Variants in KCNH5 observed in about 807,000 individuals in gnomAD.
KCNH5 encodes the protein potassium voltage-gated channel subfamily H member 5.
Under a neutral mutation model 96.1 loss-of-function variants are expected in KCNH5, and 46 were observed. The ratio of observed to expected loss-of-function variants is 0.48; its 90% CI spans 0.38 to 0.61. The LOEUF (loss-of-function observed/expected upper bound fraction) is 0.61, where lower values mean the gene tolerates loss of function less well. Ranked by LOEUF, KCNH5 falls within the 20% of genes least tolerant of loss-of-function variation. KCNH5 has a pLI of 0.00. For missense variants in KCNH5, 907 were observed against 1,225.8 expected (o/e 0.74, Z 3.88); for synonymous variants, 439 against 449.8 (o/e 0.98, Z 0.30).
intron 7 of KCNH5, among the ~76,000 whole-genome samples, chr14:62,888,652 G>A (rs1028352772): frequency 2.0e-5 from 3 of 152,004 alleles, no homozygotes; most frequent in Non-Finnish European, 4.4e-5. Context: ...TAATTCTCAG[G>A]AGCAGGAATA....
At chr14:62,828,252 G>C (rs538477319) in intron 8 of KCNH5, among the ~76,000 whole-genome samples, 30 of 152,040 alleles carry the variant, frequency 2.0e-4, no homozygotes, top group East Asian at 5.8e-4. Flanking sequence ...ATAGCTCTTT[G>C]TGGGAGATAG....
intron 7 of KCNH5, among the ~76,000 whole-genome samples, chr14:62,924,811 TG>T (rs1200669738): frequency 6.6e-6 from 1 of 151,666 alleles, no homozygotes. Context: ...TACTTAGAAG[TG>T]GGGGAAATGG....
rs111548561 is a variant in KCNH5 at position 62,819,189 on chromosome 14, G to A, written c.1570-16608C>T. 2.2e-3 allele frequency among the ~76,000 whole-genome samples: 328 copies of A among 152,162 alleles called. 1 individual carries two copies. Among genetic ancestry groups the A allele is most frequent in the African/African-American group, 7.3e-3 (302 of 41,516 alleles). ...CACCTTGTTTAGCCAGGATGGTCTC[G>A]ATCTCCTGATCTCGTGATCCGCCCA... On this transcript the variant is annotated intron_variant, in intron 8 of 10. Transcript: ENST00000322893.
At chr14:62,841,478 T>C (rs1162452119) in intron 8 of KCNH5, among the ~76,000 whole-genome samples, 1 of 152,190 alleles carries the variant, frequency 6.6e-6, no homozygotes, top group Non-Finnish European at 1.5e-5. Context: ...GAAGTATTCA[T>C]GGTTTAATTT....
chr14:63,000,642 G>T (rs10142476), intron 4 of KCNH5, among the ~76,000 whole-genome samples: 41,285 of 152,076 alleles, frequency 0.27, 6,523 homozygotes, highest in East Asian at 0.58. Flanking sequence ...TATTACAATT[G>T]TAATTCAACA....
intron 6 of KCNH5, among the ~76,000 whole-genome samples, chr14:62,969,495 C>T (rs1374698601): frequency 1.3e-5 from 2 of 151,862 alleles, no homozygotes; most frequent in East Asian, 1.9e-4. Flanking sequence ...ATCAGAAAAC[C>T]AAACACCACA....
chr14:62,925,970 T>G (rs1250814872), intron 7 of KCNH5, among the ~76,000 whole-genome samples: 1 of 152,150 alleles, frequency 6.6e-6, no homozygotes, highest in Non-Finnish European at 1.5e-5. Context: ...CAAGGTATTC[T>G]TCTCACCATT....
chr14:62,725,396 G>A (rs1884901877), intron 10 of KCNH5, among the ~76,000 whole-genome samples: 1 of 152,174 alleles, frequency 6.6e-6, no homozygotes, highest in South Asian at 2.1e-4. Context: ...TCTTTGGGCA[G>A]TGTGAGAAGA....
intron 9 of KCNH5, among the ~76,000 whole-genome samples, chr14:62,790,367 C>A (rs949124608): frequency 6.6e-6 from 1 of 151,550 alleles, no homozygotes; most frequent in Non-Finnish European, 1.5e-5. Context: ...CTCAGTATTG[C>A]TTTTTGTCTA....
At chr14:62,735,312 G>A (rs1239347243) in intron 10 of KCNH5, among the ~76,000 whole-genome samples, 1 of 152,154 alleles carries the variant, frequency 6.6e-6, no homozygotes, top group African/African-American at 2.4e-5. Flanking sequence ...GCTCAAGAGT[G>A]ATAGTAGCCC....
intron 6 of KCNH5, among the ~76,000 whole-genome samples, chr14:62,976,711 G>A (rs942854288): frequency 2.0e-5 from 3 of 152,138 alleles, no homozygotes; most frequent in African/African-American, 4.8e-5. Context: ...AACAGAAATC[G>A]TAATGACTTC....
At chr14:62,843,568 C>T (rs1313698879) in intron 8 of KCNH5, among the ~76,000 whole-genome samples, 8 of 151,768 alleles carry the variant, frequency 5.3e-5, no homozygotes, top group Non-Finnish European at 1.0e-4. Flanking sequence ...TGCACCACCA[C>T]GCCCAGCTAA....
Position 62,700,728 on chromosome 14 carries a change from A to G in KCNH5, c.*6780T>C, listed in dbSNP as rs1404994032. The G allele has an allele frequency of 6.6e-6, 1 of 152,162 alleles. No homozygotes were observed. The highest frequency in any genetic ancestry group is 1.5e-5 in the Non-Finnish European group (1 of 68,024). The allele number at this position is 152,162 out of a possible 1,614,324, so 9.4% of individuals were successfully genotyped here. A position where few individuals can be genotyped will look rare whatever the true frequency, so the allele number is the denominator to read the frequency against. On this transcript the variant is annotated 3_prime_UTR_variant, in exon 11 of 11. Coordinates refer to ENST00000322893, the MANE Select transcript of KCNH5 (RefSeq NM_139318.5). The stretch of plus-strand genomic sequence containing the variant: ...TGTGATTTTGCATAGTTTACTAGCT[A>G]GGTATTCTTCCTGTTTGCAGTCTTG...
intron 7 of KCNH5, among the ~76,000 whole-genome samples, chr14:62,900,956 T>C (rs1353315665): frequency 1.3e-5 from 2 of 152,118 alleles, no homozygotes; most frequent in East Asian, 1.9e-4. Flanking sequence ...CTTTACAGGA[T>C]AGTATACATG....
At chr14:62,856,313 T>C (rs1359701127) in intron 7 of KCNH5, among the ~76,000 whole-genome samples, 2 of 152,214 alleles carry the variant, frequency 1.3e-5, no homozygotes, top group South Asian at 4.1e-4. Context: ...TTAGATATTA[T>C]ATTTTGTGCC....
At chr14:62,844,090 C>CTCCT (rs1332298009) in intron 8 of KCNH5, among the ~76,000 whole-genome samples, 5 of 152,090 alleles carry the variant, frequency 3.3e-5, no homozygotes, top group Admixed American at 6.6e-5. Context: ...TAAAGGCATA[C>CTCCT]TCCTACCTGA....
At chr14:63,016,235 T>C (rs1891324644) in intron 2 of KCNH5, among the ~76,000 whole-genome samples, 1 of 151,976 alleles carries the variant, frequency 6.6e-6, no homozygotes, top group Non-Finnish European at 1.5e-5. Flanking sequence ...TTTCCTTTTC[T>C]TTTTTCTGAT....
rs556987851 is a variant in KCNH5, at chr14:62,700,013, C to G, written c.*7495G>C. The G allele has an allele frequency of 1.3e-5, 2 of 151,950 alleles. No homozygotes were observed. The highest frequency in any genetic ancestry group is 2.4e-5 in the African/African-American group (1 of 41,388). The allele number at this position is 151,950 out of a possible 1,614,324, so 9.4% of individuals were successfully genotyped here. A position where few individuals can be genotyped will look rare whatever the true frequency, so the allele number is the denominator to read the frequency against. ...AAAGGCAGAGGCATTTTTAATACCC[C>G]CAATATCTCACCAATATGGTTGCAG... On this transcript the variant is annotated 3_prime_UTR_variant, in exon 11 of 11. Coordinates refer to ENST00000322893, the MANE Select transcript of KCNH5 (RefSeq NM_139318.5).
intron 6 of KCNH5, among the ~76,000 whole-genome samples, chr14:62,957,969 T>C (rs1472554217): frequency 6.6e-6 from 1 of 152,136 alleles, no homozygotes; most frequent in Non-Finnish European, 1.5e-5. Flanking sequence ...TTATTTGACA[T>C]GCAGGAAAAA....
Sources: gnomAD v4.1 joint callset for allele counts (sites outside exome capture counted in the v4.1 genomes callset) on GRCh38, gnomAD v4.1.1 for gene constraint, MANE v1.5 for transcripts, NCBI Gene and HGNC (gene_info 2026-07-23, HGNC 2026-07-21) for gene names.